The following IL18R1 variants were observed in gnomAD, a reference collection of about 807,000 sequenced individuals.
IL18R1 encodes interleukin 18 receptor 1.
A neutral mutation model predicts 48.5 loss-of-function variants in IL18R1; 40 were observed. That is an observed-to-expected ratio of 0.82 (90% CI 0.64 to 1.07). IL18R1 has a LOEUF of 1.07. Ranked by LOEUF, IL18R1 falls within the 50% of genes least tolerant of loss-of-function variation. The pLI is 0.00. For synonymous variants in IL18R1, 232 were observed against 225.9 expected (o/e 1.03, Z -0.24); for missense variants, 596 against 633.7 (o/e 0.94, Z 0.64).
intron 3 of IL18R1, among the ~76,000 whole-genome samples, 199 bp from the exon 4 acceptor site, chr2:102,371,754 C>T (rs558255247): frequency 6.6e-6 from 1 of 152,014 alleles, no homozygotes; most frequent in Non-Finnish European, 1.5e-5. Flanking sequence ...TCATTTATTA[C>T]CCCCTGCTCC....
In IL18R1 at chr2:102,390,129, AGT is replaced by A; in HGVS notation, c.1027_1028del (p.Cys343ProfsTer9). ...TAGCTGTTTTGATCTTGGTGGCAGT[AGT>A]GTGCCTAGTGACTGTGTGTGTCATT... ...IIAVLILVAV[V>X]CLVTVCVIYR... On this transcript the variant is annotated frameshift_variant, in exon 9 of 11. Transcript: ENST00000233957. LOFTEE classifies it high-confidence loss of function. 1 of 1,613,460 alleles carries A rather than the reference AGT, an allele frequency of 6.2e-7. No individual in the cohort carries two copies. The highest frequency in any genetic ancestry group is 8.5e-7 in the Non-Finnish European group (1 of 1,179,666).
chr2:102,364,558 T>G (rs10515921), intron 2 of IL18R1, among the ~76,000 whole-genome samples: 16,056 of 152,252 alleles, frequency 0.11, 936 homozygotes, highest in Non-Finnish European at 0.13. Flanking sequence ...TCACACCTTC[T>G]ATGTTGAAGT....
intron 9 of IL18R1, among the ~76,000 whole-genome samples, chr2:102,390,858 T>C (rs956996379): frequency 2.1e-5 from 3 of 142,716 alleles, no homozygotes; most frequent in Non-Finnish European, 4.5e-5. Context: ...GCGTGTGAAC[T>C]CGGGAGGCGG....
intron 6 of IL18R1, among the ~76,000 whole-genome samples, chr2:102,383,889 C>T (rs2105101369): frequency 6.6e-6 from 1 of 152,256 alleles, no homozygotes. Flanking sequence ...TATTTTCTTT[C>T]AAACAGTTAC....
At chr2:102,383,327 A>C (rs1680023405) in intron 6 of IL18R1, among the ~76,000 whole-genome samples, 1 of 152,194 alleles carries the variant, frequency 6.6e-6, no homozygotes, top group Non-Finnish European at 1.5e-5. Flanking sequence ...GTTGTTCAAA[A>C]AATTTATATC....
At chr2:102,383,186 G>T (rs1168359978) in intron 6 of IL18R1, among the ~76,000 whole-genome samples, 2 of 152,202 alleles carry the variant, frequency 1.3e-5, no homozygotes, top group Non-Finnish European at 2.9e-5. Context: ...GGAATTTGTA[G>T]TGACTTACTT....
intron 2 of IL18R1, among the ~76,000 whole-genome samples, chr2:102,364,792 A>G (rs1272137913): frequency 6.6e-6 from 1 of 152,176 alleles, no homozygotes; most frequent in Non-Finnish European, 1.5e-5. Flanking sequence ...GGAAGCTTAC[A>G]ATCATAGTGG....
At chr2:102,359,947 C>T (rs980129929) in intron 1 of IL18R1, among the ~76,000 whole-genome samples, 5 of 152,172 alleles carry the variant, frequency 3.3e-5, no homozygotes, top group Admixed American at 2.6e-4. Flanking sequence ...ATTATTATCC[C>T]CTTCTATAGA....
At chr2:102,379,970 T>C (rs1054310907) in intron 5 of IL18R1, among the ~76,000 whole-genome samples, 1 of 152,190 alleles carries the variant, frequency 6.6e-6, no homozygotes, top group African/African-American at 2.4e-5. Context: ...CAAAACACCA[T>C]ACTTTGGGAC....
Position 102,398,613 on chromosome 2 carries a change from T to TA in IL18R1, c.*1729dup, listed in dbSNP as rs1680937285. ...GATTTCATTGCTATTGCATAGTCTC[T>TA]AATACATAGAATGATTTTGCTTTTC... On this transcript the variant is annotated 3_prime_UTR_variant, in exon 11 of 11. Coordinates refer to ENST00000233957, the MANE Select transcript of IL18R1 (RefSeq NM_003855.5). 1 of 152,304 alleles carries TA rather than the reference T, an allele frequency of 6.6e-6. No homozygotes were observed. Among genetic ancestry groups the TA allele is most frequent in the South Asian group, 2.1e-4 (1 of 4,834 alleles). 9.4% of individuals were successfully genotyped at this position (152,304 alleles called of 1,614,324 possible).
chr2:102,369,561 T>C (rs2105054803), intron 3 of IL18R1, among the ~76,000 whole-genome samples: 1 of 152,270 alleles, frequency 6.6e-6, no homozygotes, highest in South Asian at 2.1e-4. Flanking sequence ...TGAAAATAAA[T>C]GGGATTCTAC....
chr2:102,394,595 G>C lies in IL18R1; in HGVS notation c.1238G>C (p.Cys413Ser), dbSNP rs1452209257. The change falls in exon 10 of 11, where the codon TGC becomes TCC. Residue 413 changes from cysteine to serine, a missense_variant. Around this residue, in one of 3 missense-constraint regions of IL18R1, gnomAD observed 179 missense variants for 206.1 expected, o/e 0.87. Transcript: ENST00000233957. ...VLEKHFGYKL[C>S]IFERDVVPGG... is the part of the protein sequence containing the mutation. Reference sequence around the variant, plus strand: ...GAGAAACATTTTGGGTATAAGTTATGCATATTTGAAAGGGATGTAGTGCCT... The same window carrying C: ...GAGAAACATTTTGGGTATAAGTTATCCATATTTGAAAGGGATGTAGTGCCT... 6.2e-7 allele frequency: 1 copy of C among 1,612,314 alleles called. No individual in the cohort carries two copies. Among genetic ancestry groups the C allele is most frequent in the African/African-American group, 1.3e-5 (1 of 74,876 alleles).
rs767362722 is a variant in IL18R1, at chr2:102,394,600, T to C, written c.1243T>C (p.Phe415Leu). Residue 415 changes from phenylalanine (F) to leucine (L), a missense_variant, in exon 10 of 11, where the codon TTT becomes CTT. Coordinates refer to ENST00000233957, the MANE Select transcript of IL18R1 (RefSeq NM_003855.5). ...EKHFGYKLCI[F>L]ERDVVPGGAV... ...ACATTTTGGGTATAAGTTATGCATATTTGAAAGGGATGTAGTGCCTGGAGG... is the reference window on the plus strand; with the variant it reads ...ACATTTTGGGTATAAGTTATGCATACTTGAAAGGGATGTAGTGCCTGGAGG... 6 of 1,611,980 alleles carry C rather than the reference T, an allele frequency of 3.7e-6. No homozygotes were observed. In the South Asian group the frequency reaches 5.5e-5, roughly 15 times the overall value.
chr2:102,391,156 T>C (rs561365216), intron 9 of IL18R1, among the ~76,000 whole-genome samples: 226 of 152,204 alleles, frequency 1.5e-3, no homozygotes, highest in Admixed American at 3.5e-3. Flanking sequence ...GATTTTGTTT[T>C]GCATGTATGT....
chr2:102,376,022 T>C lies in IL18R1; in HGVS notation c.584T>C (p.Leu195Pro). 1 of 1,603,152 alleles carries C rather than the reference T, an allele frequency of 6.2e-7. No individual in the cohort carries two copies. The highest frequency in any genetic ancestry group is 1.3e-5 in the African/African-American group (1 of 74,486). ...CVHFLHHNGK[L>P]FNITKTFNIT... ...CATTTCCTTCATCATAATGGAAAAC[T>C]ATTTAATATCACCAAAACCTTCAAT... Residue 195 changes from leucine (L) to proline (P), a missense_variant, in exon 5 of 11, where the codon CTA (leucine) becomes CCA (proline). Coordinates refer to ENST00000233957, the MANE Select transcript of IL18R1 (RefSeq NM_003855.5).
chr2:102,362,060 G>A (rs1678607683), intron 1 of IL18R1, among the ~76,000 whole-genome samples: 2 of 152,216 alleles, frequency 1.3e-5, no homozygotes, highest in South Asian at 4.1e-4. Context: ...CTGGCCATGT[G>A]CTAGGCATCG....
At chr2:102,384,408 T>G (rs11465641) in intron 6 of IL18R1, among the ~76,000 whole-genome samples, 81,312 of 152,170 alleles carry the variant, frequency 0.53, 23,579 homozygotes, top group African/African-American at 0.73. Flanking sequence ...AGCAAATTCT[T>G]CCATGGAATG....
Position 102,396,833 on chromosome 2 carries a change from G to T in IL18R1, c.1573G>T (p.Val525Phe), listed in dbSNP as rs1418961862. 1.1e-5 allele frequency: 17 copies of T among 1,611,036 alleles called. No individual in the cohort carries two copies. The highest frequency in any genetic ancestry group is 2.7e-5 in the African/African-American group (2 of 74,538). ...NLLYLMPAKT[V>F]KPGRDEPEVL... Reference sequence around the variant, plus strand: ...TCTTTACTTAATGCCTGCAAAAACAGTCAAGCCAGGTAGAGACGAACCGGA... The same window carrying T: ...TCTTTACTTAATGCCTGCAAAAACATTCAAGCCAGGTAGAGACGAACCGGA... The change falls in exon 11 of 11, where the codon GTC becomes TTC. Residue 525 changes from valine to phenylalanine, a missense_variant. Val to Phe is a conservative substitution (Grantham distance 50). This residue lies in a region of IL18R1 where 179 missense variants were observed against 206.1 expected (regional missense o/e 0.87). Coordinates refer to ENST00000233957, the MANE Select transcript of IL18R1 (RefSeq NM_003855.5).
At chr2:102,361,999 C>T (rs3755276) in intron 1 of IL18R1, among the ~76,000 whole-genome samples, 66,738 of 151,978 alleles carry the variant, frequency 0.44, 16,433 homozygotes, top group African/African-American at 0.66. Context: ...CACAGACACA[C>T]GCGAACACAT....
Sources: gnomAD v4.1 joint callset for allele counts (sites outside exome capture counted in the v4.1 genomes callset) on GRCh38, gnomAD v4.1.1 for gene constraint, gnomAD v4.1.1 regional missense constraint, MANE v1.5 for transcripts, NCBI Gene and HGNC (gene_info 2026-07-23, HGNC 2026-07-21) for gene names.